Variants in NTN4 observed in about 807,000 individuals in gnomAD.
NTN4 encodes netrin 4.
Under a neutral mutation model 73.6 loss-of-function variants are expected in NTN4, and 32 were observed. The ratio of observed to expected loss-of-function variants is 0.44; its 90% CI spans 0.33 to 0.58. The LOEUF is 0.58. Among genes scored for constraint, NTN4 ranks in the 20% least tolerant of loss-of-function variants. NTN4 has a pLI of 0.04. For synonymous variants in NTN4, 258 were observed against 287.5 expected (o/e 0.90, Z 1.04); for missense variants, 654 against 798.3 (o/e 0.82, Z 2.18).
intron 3 of NTN4, among the ~76,000 whole-genome samples, chr12:95,734,046 G>T (rs1367042348): frequency 6.7e-6 from 1 of 148,350 alleles, no homozygotes. Context: ...CTCCAGCCTG[G>T]GTGACAGAGC....
chr12:95,713,414 A>C, intron 3 of NTN4, 76 bp from the exon 4 acceptor site: 8 of 1,417,858 alleles, frequency 5.6e-6, no homozygotes, highest in African/African-American at 1.4e-5. Context: ...CCACAATCTA[A>C]TCTCATGGAT....
chr12:95,718,667 AAG>A (rs1394483867), intron 3 of NTN4, among the ~76,000 whole-genome samples: 1 of 152,202 alleles, frequency 6.6e-6, no homozygotes, highest in Non-Finnish European at 1.5e-5. Context: ...AGGAAGAGCT[AAG>A]AGAGTATTTC....
chr12:95,776,038 C>A (rs1467070102), intron 2 of NTN4, among the ~76,000 whole-genome samples: 1 of 152,214 alleles, frequency 6.6e-6, no homozygotes, highest in African/African-American at 2.4e-5. Flanking sequence ...GCTGCTGACA[C>A]CCAGGCAAAC....
chr12:95,685,880 A>G (rs997474589), intron 5 of NTN4, among the ~76,000 whole-genome samples: 11 of 152,156 alleles, frequency 7.2e-5, no homozygotes, highest in Non-Finnish European at 1.3e-4. Context: ...AATTAATCCA[A>G]TAGATAATTC....
chr12:95,713,110 G>A (rs2078577406), intron 4 of NTN4, 102 bp downstream of exon 4: 10 of 1,420,080 alleles, frequency 7.0e-6, no homozygotes, highest in Non-Finnish European at 9.6e-6. Flanking sequence ...TCTAGTGTTT[G>A]TCACCCACCA....
At chr12:95,709,520 T>TTCTC (rs1222779866) in intron 5 of NTN4, among the ~76,000 whole-genome samples, 4 of 148,426 alleles carry the variant, frequency 2.7e-5, no homozygotes, top group African/African-American at 9.9e-5. Flanking sequence ...TTTCCTTCCT[T>TTCTC]TCTCTCTCTC....
Position 95,737,935 on chromosome 12 carries a change from A to G in NTN4, c.795T>C (p.Asn265=). 1 of 1,614,166 alleles carries G rather than the reference A, an allele frequency of 6.2e-7. No homozygotes were observed. Among genetic ancestry groups the G allele is most frequent in the Non-Finnish European group, 8.5e-7 (1 of 1,180,012 alleles). ...DFIVKGSCFC[N]GHADQCIPVH... is the part of the protein sequence containing the mutation. ...CAGGTATGCATTGATCAGCGTGGCCATTGCAGAAGCAGCTGCCCTTGACAA... is the reference window on the plus strand; with the variant it reads ...CAGGTATGCATTGATCAGCGTGGCCGTTGCAGAAGCAGCTGCCCTTGACAA... Residue 265 remains asparagine (N), a synonymous_variant, in exon 3 of 10, where the codon AAT becomes AAC. Coordinates refer to ENST00000343702, the MANE Select transcript of NTN4 (RefSeq NM_021229.4).
intron 2 of NTN4, among the ~76,000 whole-genome samples, chr12:95,778,616 A>G (rs2079111026): frequency 1.3e-5 from 2 of 152,226 alleles, no homozygotes; most frequent in Admixed American, 1.3e-4. Context: ...AACCATGAGG[A>G]ACTTGAATCT....
At chr12:95,730,242 G>T (rs1443177766) in intron 3 of NTN4, among the ~76,000 whole-genome samples, 4 of 152,104 alleles carry the variant, frequency 2.6e-5, no homozygotes, top group Non-Finnish European at 5.9e-5. Flanking sequence ...TGGAAAGCAT[G>T]TTCATGAAAA....
chr12:95,782,226 G>A (rs1365560881), intron 2 of NTN4, among the ~76,000 whole-genome samples: 1 of 151,978 alleles, frequency 6.6e-6, no homozygotes, highest in Non-Finnish European at 1.5e-5. Flanking sequence ...CAAGCAATGT[G>A]CTAAATGCTA....
chr12:95,749,103 A>G (rs1488470292), intron 2 of NTN4, among the ~76,000 whole-genome samples: 2 of 152,112 alleles, frequency 1.3e-5, no homozygotes, highest in South Asian at 2.1e-4. Context: ...GCCCACCAGA[A>G]AACAACCCCC....
intron 7 of NTN4, among the ~76,000 whole-genome samples, chr12:95,675,585 G>GA (rs1389567513): frequency 2.0e-5 from 3 of 151,632 alleles, no homozygotes; most frequent in South Asian, 2.1e-4. Flanking sequence ...ATAAAGGACG[G>GA]AAAAAAAGAC....
chr12:95,675,224 A>T (rs1219427904), intron 7 of NTN4, among the ~76,000 whole-genome samples: 1 of 152,234 alleles, frequency 6.6e-6, no homozygotes, highest in Non-Finnish European at 1.5e-5. Context: ...GTGATTGAAC[A>T]TGAAGCCATT....
chr12:95,700,958 C>T lies in NTN4; in HGVS notation c.1180+9483G>A, dbSNP rs187069159. On this transcript the variant is annotated intron_variant, in intron 5 of 9. Transcript: ENST00000343702. ...CCTCCCAAGTAGCTGGGACTACAGG[C>T]GCCCTCCACCATTCCCAACTAATTT... is the stretch of plus-strand genomic sequence containing the variant. 4.9e-4 allele frequency among the ~76,000 whole-genome samples: 74 copies of T among 151,846 alleles called. 1 individual carries two copies. The East Asian group carries it at 7.2e-3, about 15-fold the overall frequency.
chr12:95,702,302 A>G (rs2078491050), intron 5 of NTN4, among the ~76,000 whole-genome samples: 1 of 147,850 alleles, frequency 6.8e-6, no homozygotes, highest in Non-Finnish European at 1.5e-5. Context: ...AAAAAACAAA[A>G]AAAAAGAAAA....
In NTN4 at chr12:95,753,908, T is replaced by C. The variant is rs543260875; in HGVS notation, c.586-15764A>G. Among the ~76,000 whole-genome samples, 415 of 152,278 alleles carry C rather than the reference T, an allele frequency of 2.7e-3. 1 individual carries two copies. Among genetic ancestry groups the C allele is most frequent in the African/African-American group, 9.0e-3 (373 of 41,526 alleles). On this transcript the variant is annotated intron_variant, in intron 2 of 9. Transcript: ENST00000343702. ...AAAACTTGTCATCCCTACTATCTTC[T>C]GTCTAGTCATACTCCTATTCACCGT...
chr12:95,741,461 A>ATC (rs1420597354), intron 2 of NTN4, among the ~76,000 whole-genome samples: 22 of 121,168 alleles, frequency 1.8e-4, no homozygotes, highest in South Asian at 1.1e-3. Flanking sequence ...ATATATATAT[A>ATC]TATATATATA....
chr12:95,750,706 G>A (rs1264575409), intron 2 of NTN4, among the ~76,000 whole-genome samples: 12 of 151,942 alleles, frequency 7.9e-5, no homozygotes, highest in Non-Finnish European at 1.0e-4. Context: ...CCCAAGCGTC[G>A]CTGAGTCTTT....
chr12:95,781,978 G>C lies in NTN4; in HGVS notation c.585+4961C>G, dbSNP rs2079135946. Among the ~76,000 whole-genome samples, 1 of 152,122 alleles carries C rather than the reference G, an allele frequency of 6.6e-6. No homozygotes were observed. The highest frequency in any genetic ancestry group is 2.1e-4 in the South Asian group (1 of 4,820). On this transcript the variant is annotated intron_variant, in intron 2 of 9. Transcript: ENST00000343702. The surrounding 1 kb of genome is among the most constrained non-coding windows in gnomAD (Gnocchi z 4.1). ...AATGGGATCTGACACATAGTAGCTT[G>C]AAAATTATTTGAATAAATGGGTGAA... is the stretch of plus-strand genomic sequence containing the variant.
Sources: allele counts gnomAD v4.1 joint callset (sites outside exome capture counted in the v4.1 genomes callset), GRCh38; gene constraint gnomAD v4.1.1; non-coding constraint Gnocchi (gnomAD v3.1); transcripts MANE v1.5; gene names NCBI Gene and HGNC (gene_info 2026-07-23, HGNC 2026-07-21).